MORC3: variants seen among roughly 807,000 people sequenced by gnomAD.
MORC3 encodes the protein MORC family CW-type zinc finger protein 3.
A neutral mutation model predicts 109.1 loss-of-function variants in MORC3; 31 were observed. The observed-to-expected ratio is 0.28, with a 90% CI of 0.21 to 0.38. The LOEUF (loss-of-function observed/expected upper bound fraction) is 0.38. MORC3 is among the 10% of genes least tolerant of loss of function. The pLI, the probability that MORC3 is intolerant of heterozygous loss-of-function variation, is 1.00. For missense variants in MORC3, 867 were observed against 1,135.8 expected, an observed-to-expected ratio of 0.76 and a Z score of 3.40; for synonymous variants, 395 against 380.7, an observed-to-expected ratio of 1.04 and a Z score of -0.44.
In MORC3 at chr21:36,338,928, G is replaced by A. The variant is rs569356982; in HGVS notation, c.608+7G>A. 13 of 1,604,668 alleles carry A rather than the reference G, an allele frequency of 8.1e-6. No individual in the cohort carries two copies. The highest frequency in any genetic ancestry group is 2.2e-5 in the East Asian group (1 of 44,834). On this transcript the variant is annotated splice_region_variant and intron_variant, in intron 5 of 16. Transcript: ENST00000400485. ...TCATTTGGAATCTTAGAAGGTAAAC[G>A]TGGACATAGATGTTGACCGTTTGGG...
intron 1 of MORC3, among the ~76,000 whole-genome samples, chr21:36,327,943 C>G (rs4816530): frequency 0.52 from 79,058 of 151,366 alleles, 21,026 homozygotes; most frequent in Middle Eastern, 0.65. Context: ...GTGGCATGAT[C>G]TTGGCTCACT....
intron 1 of MORC3, 96 bp downstream of exon 1, chr21:36,320,399 C>A: frequency 8.5e-7 from 1 of 1,174,450 alleles, no homozygotes; most frequent in Non-Finnish European, 1.1e-6. Flanking sequence ...CTTGTGGGGC[C>A]GACGCGGCGG....
chr21:36,372,071 C>T (rs749759742), intron 15 of MORC3, among the ~76,000 whole-genome samples: 1 of 152,058 alleles, frequency 6.6e-6, no homozygotes. Flanking sequence ...CCTCAGCCTC[C>T]CAAAGTGCTG....
At chr21:36,375,074 A>G (rs1187930150) in intron 16 of MORC3, 69 bp from the exon 17 acceptor site, 7 of 1,429,648 alleles carry the variant, frequency 4.9e-6, no homozygotes, top group Non-Finnish European at 6.6e-6. Flanking sequence ...TTGATATTTT[A>G]CTTTTTAAGG....
rs1401000555 is a variant in MORC3 at position 36,337,926 on chromosome 21, T to C, written c.440T>C (p.Ile147Thr). Residue 147 changes from isoleucine (I) to threonine (T), a missense_variant, in exon 4 of 17, where the codon ATA becomes ACA. Ile to Thr is a moderately conservative substitution (Grantham distance 89). This residue lies in a region of MORC3 where 134 missense variants were observed against 166.6 expected (regional missense o/e 0.80). Transcript: ENST00000400485. ...AAAGCGGAGCATGTTGTTGTTCCAA[T>C]AGTGGCATTCAACAAGCACCATATC... ...VIKAEHVVVPIVAFNKHRQMI... is the reference protein window; with the variant it reads ...VIKAEHVVVPTVAFNKHRQMI... 4 of 1,613,986 alleles carry C rather than the reference T, an allele frequency of 2.5e-6. No individual in the cohort carries two copies. The highest frequency in any genetic ancestry group is 1.3e-5 in the African/African-American group (1 of 74,924).
At chr21:36,354,385 A>C (rs1222890223) in intron 9 of MORC3, among the ~76,000 whole-genome samples, 1 of 141,560 alleles carries the variant, frequency 7.1e-6, no homozygotes, top group Non-Finnish European at 1.5e-5. Flanking sequence ...GCTCACTGCA[A>C]CCTCCGCCTC....
At chr21:36,333,959 A>AT (rs974637188) in intron 2 of MORC3, among the ~76,000 whole-genome samples, 52 of 148,434 alleles carry the variant, frequency 3.5e-4, no homozygotes, top group African/African-American at 5.9e-4. Flanking sequence ...ATTTTTTTGT[A>AT]TTTTTTTTTA....
intron 1 of MORC3, among the ~76,000 whole-genome samples, chr21:36,323,893 G>C (rs999995005): frequency 6.8e-6 from 1 of 147,016 alleles, no homozygotes; most frequent in Non-Finnish European, 1.5e-5. Flanking sequence ...TTTTTTTTTA[G>C]AGACGGAGTT....
intron 1 of MORC3, among the ~76,000 whole-genome samples, chr21:36,325,407 A>C (rs1484875832): frequency 1.3e-5 from 2 of 152,210 alleles, no homozygotes; most frequent in African/African-American, 4.8e-5. Context: ...AAGGCGTATC[A>C]CATTGTTCAG....
At chr21:36,328,555 G>C (rs1485167964) in intron 1 of MORC3, among the ~76,000 whole-genome samples, 1 of 152,106 alleles carries the variant, frequency 6.6e-6, no homozygotes, top group African/African-American at 2.4e-5. Flanking sequence ...TGGCCAGGCT[G>C]GTCTTGAACT....
intron 9 of MORC3, among the ~76,000 whole-genome samples, chr21:36,351,683 A>G (rs2085574663): frequency 6.6e-6 from 1 of 152,154 alleles, no homozygotes; most frequent in Non-Finnish European, 1.5e-5. Context: ...TTATTCGTTA[A>G]TGGATGCTGA....
intron 1 of MORC3, among the ~76,000 whole-genome samples, chr21:36,330,765 A>G (rs941760267): frequency 2.6e-5 from 4 of 152,188 alleles, no homozygotes; most frequent in Non-Finnish European, 5.9e-5. Context: ...GTAGAATGAT[A>G]TTTGTACAGG....
At chr21:36,341,975 C>G (rs1290455817) in intron 6 of MORC3, among the ~76,000 whole-genome samples, 1 of 152,140 alleles carries the variant, frequency 6.6e-6, no homozygotes, top group Non-Finnish European at 1.5e-5. Flanking sequence ...CACCTGTAAT[C>G]CCAGCACTTT....
intron 8 of MORC3, chr21:36,348,410 T>G (rs1225449802): frequency 6.6e-6 from 1 of 152,252 alleles, no homozygotes; most frequent in Non-Finnish European, 1.5e-5. Flanking sequence ...TTCTTTTCTT[T>G]TTTTGTCTTT....
rs146481752 is a variant in MORC3, at chr21:36,334,490, A to C, written c.112+772A>C. On this transcript the variant is annotated intron_variant, in intron 2 of 16. Coordinates refer to ENST00000400485, the MANE Select transcript of MORC3 (RefSeq NM_015358.3). ...GAATTTGTTTGCTTATTTTGAGATG[A>C]GGTCTCACCATGTTGTCCAGGCTGG... Among the ~76,000 whole-genome samples the C allele has an allele frequency of 6.4e-3, 980 of 152,232 alleles. 9 individuals carry two copies. The highest frequency in any genetic ancestry group is 0.023 in the African/African-American group (945 of 41,556).
At chr21:36,321,479 T>C (rs528698804) in intron 1 of MORC3, among the ~76,000 whole-genome samples, 81 of 152,298 alleles carry the variant, frequency 5.3e-4, no homozygotes, top group African/African-American at 1.9e-3. Flanking sequence ...CCTTTCGTTA[T>C]GTAACTAGCT....
intron 1 of MORC3, among the ~76,000 whole-genome samples, chr21:36,328,906 T>TTA (rs1555904794): frequency 8.6e-5 from 12 of 139,208 alleles, no homozygotes; most frequent in African/African-American, 2.6e-4. Context: ...GCTGATGAGG[T>TTA]AAAAAAAAAA....
At chr21:36,333,221 A>T (rs1164108684) in intron 1 of MORC3, among the ~76,000 whole-genome samples, 1 of 152,238 alleles carries the variant, frequency 6.6e-6, no homozygotes, top group Non-Finnish European at 1.5e-5. Flanking sequence ...GATCAAGCAC[A>T]GTTAAGTTTA....
intron 1 of MORC3, 89 bp from the exon 2 acceptor site, chr21:36,333,557 A>T: frequency 9.6e-7 from 1 of 1,046,868 alleles, no homozygotes; most frequent in Non-Finnish European, 1.5e-6. Flanking sequence ...TTTGGTCTCA[A>T]TGTTGTTTAA....
Sources: gnomAD v4.1 joint callset for allele counts (sites outside exome capture counted in the v4.1 genomes callset) on GRCh38, gnomAD v4.1.1 for gene constraint, gnomAD v4.1.1 regional missense constraint, MANE v1.5 for transcripts, NCBI Gene and HGNC (gene_info 2026-07-23, HGNC 2026-07-21) for gene names.